The following ZNF143 variants were observed in gnomAD, a reference collection of about 807,000 sequenced individuals.
The protein encoded by ZNF143 is SPH-binding factor.
In ZNF143, 49 loss-of-function variants were observed where a neutral mutation model predicts 74.1. The observed-to-expected ratio is 0.66, with a 90% CI of 0.53 to 0.84. ZNF143 has a LOEUF of 0.84. Ranked by LOEUF, ZNF143 falls within the 40% of genes least tolerant of loss-of-function variation. The probability of loss-of-function intolerance (pLI) is 0.00; values close to 1 mark genes in which losing one functional copy is unlikely to be tolerated. For synonymous variants in ZNF143, 304 were observed against 282.8 expected (o/e 1.07, Z -0.75); for missense variants, 637 against 793.4 (o/e 0.80, Z 2.37).
At chr11:9,519,675 G>GAATAAGATGGCAGTAAAAATA (rs1848843408) in intron 14 of ZNF143, among the ~76,000 whole-genome samples, 1 of 152,060 alleles carries the variant, frequency 6.6e-6, no homozygotes. Context: ...TGACTATTAT[G>GAATAAGATGGCAGTAAAAATA]AATAAGATGG....
chr11:9,525,440 C>T (rs1436512100), intron 15 of ZNF143, 54 bp downstream of exon 15: 4 of 1,606,426 alleles, frequency 2.5e-6, no homozygotes, highest in Non-Finnish European at 2.6e-6. Flanking sequence ...TCATAGCTTT[C>T]AACTTTGTAC....
intron 12 of ZNF143, among the ~76,000 whole-genome samples, chr11:9,509,140 A>G (rs1848457269): frequency 6.6e-6 from 1 of 152,162 alleles, no homozygotes; most frequent in Admixed American, 6.5e-5. Flanking sequence ...GCAGGAAGCA[A>G]AGGCAAGAGA....
At chr11:9,503,940 C>T (rs1371802731) in intron 11 of ZNF143, among the ~76,000 whole-genome samples, 2 of 148,204 alleles carry the variant, frequency 1.3e-5, no homozygotes, top group African/African-American at 4.9e-5. Context: ...GCATGAGCCA[C>T]CACGCCTTGC....
intron 10 of ZNF143, among the ~76,000 whole-genome samples, chr11:9,499,962 A>C (rs1282785970): frequency 6.6e-6 from 1 of 152,178 alleles, no homozygotes; most frequent in Non-Finnish European, 1.5e-5. Flanking sequence ...TTTGTTTTTG[A>C]GACAGTGTCT....
chr11:9,501,113 C>T lies in ZNF143; in HGVS notation c.990C>T (p.Pro330=), dbSNP rs780724197. The T allele has an allele frequency of 6.2e-7, 1 of 1,614,100 alleles. No individual in the cohort carries two copies. Among genetic ancestry groups the T allele is most frequent in the Admixed American group, 1.7e-5 (1 of 60,010 alleles). ...THTGERPFKC[P]FEGCGRSFTT... is the part of the protein sequence containing the mutation. ...CAGGAGAAAGGCCCTTTAAGTGTCCCTTCGAAGGCTGCGGTCGGTCCTTTA... is the reference window on the plus strand; with the variant it reads ...CAGGAGAAAGGCCCTTTAAGTGTCCTTTCGAAGGCTGCGGTCGGTCCTTTA... Residue 330 remains proline (P), a synonymous_variant, in exon 11 of 16, where the codon CCC becomes CCT. Coordinates refer to ENST00000396602, the MANE Select transcript of ZNF143 (RefSeq NM_003442.6).
chr11:9,499,515 G>C (rs1565050404), intron 10 of ZNF143, among the ~76,000 whole-genome samples: 1 of 152,172 alleles, frequency 6.6e-6, no homozygotes, highest in Non-Finnish European at 1.5e-5. Context: ...TCCACCAATA[G>C]AGAAATCATA....
chr11:9,465,851 ATT>A (rs1429356674), intron 1 of ZNF143, among the ~76,000 whole-genome samples: 1 of 150,230 alleles, frequency 6.7e-6, no homozygotes, highest in Non-Finnish European at 1.5e-5. Context: ...TTTTGGGAGG[ATT>A]TCTCTCTGTT....
intron 5 of ZNF143, among the ~76,000 whole-genome samples, chr11:9,476,455 C>G (rs1856896014): frequency 6.6e-6 from 1 of 152,050 alleles, no homozygotes; most frequent in African/African-American, 2.4e-5. Context: ...TCACTGCAAC[C>G]TCCGCCTCCT....
chr11:9,496,198 A>G (rs1847951679), intron 8 of ZNF143, 105 bp from the exon 9 acceptor site: 6 of 938,332 alleles, frequency 6.4e-6, no homozygotes, highest in South Asian at 1.5e-5. Flanking sequence ...AAAAAAGCAT[A>G]CAACAAAATC....
At chr11:9,489,316 C>T (rs376445269) in intron 7 of ZNF143, among the ~76,000 whole-genome samples, 1 of 152,072 alleles carries the variant, frequency 6.6e-6, no homozygotes, top group Non-Finnish European at 1.5e-5. Context: ...AAATAAGAAA[C>T]CTTGCTGTTG....
At chr11:9,475,830 G>A (rs1217205441) in intron 5 of ZNF143, among the ~76,000 whole-genome samples, 1 of 151,990 alleles carries the variant, frequency 6.6e-6, no homozygotes, top group East Asian at 1.9e-4. Flanking sequence ...CCAGGAGGTA[G>A]AGGTTGCAGT....
intron 14 of ZNF143, among the ~76,000 whole-genome samples, chr11:9,524,386 C>T (rs760557517): frequency 1.3e-5 from 2 of 152,034 alleles, no homozygotes; most frequent in Non-Finnish European, 2.9e-5. Flanking sequence ...GAAGGTTAGC[C>T]CAATATAAGC....
intron 1 of ZNF143, among the ~76,000 whole-genome samples, chr11:9,467,845 CAA>C (rs971001404): frequency 1.1e-4 from 9 of 79,894 alleles, no homozygotes; most frequent in African/African-American, 1.3e-4. Flanking sequence ...ACTCCATCTC[CAA>C]AAAAAAAAAA....
chr11:9,492,105 A>ATTTTTT (rs34432476), intron 7 of ZNF143, among the ~76,000 whole-genome samples: 3 of 100,238 alleles, frequency 3.0e-5, no homozygotes, highest in African/African-American at 3.9e-5. Flanking sequence ...CACCTGGCTA[A>ATTTTTT]TTTTTTTTTT....
intron 15 of ZNF143, 199 bp downstream of exon 15, chr11:9,525,585 T>C: frequency 1.5e-6 from 1 of 674,284 alleles, no homozygotes; most frequent in East Asian, 3.0e-5. Context: ...CATCTTTGCA[T>C]ATTCTAGGGG....
intron 1 of ZNF143, among the ~76,000 whole-genome samples, chr11:9,464,597 T>C (rs1185608946): frequency 6.6e-6 from 1 of 151,436 alleles, no homozygotes; most frequent in Non-Finnish European, 1.5e-5. Context: ...CAAGACCCTG[T>C]CTCAATCAAT....
intron 7 of ZNF143, among the ~76,000 whole-genome samples, chr11:9,481,792 G>A (rs528038926): frequency 3.1e-4 from 47 of 150,282 alleles, no homozygotes; most frequent in African/African-American, 1.1e-3. Flanking sequence ...GGAAGCTGAG[G>A]CAGGAGAATC....
At chr11:9,514,367 C>G (rs1848653670) in intron 13 of ZNF143, among the ~76,000 whole-genome samples, 1 of 152,208 alleles carries the variant, frequency 6.6e-6, no homozygotes, top group Admixed American at 6.5e-5. Flanking sequence ...ATTAGATTTC[C>G]ATTCCATTCC....
At chr11:9,466,277 G>A (rs1264297105) in intron 1 of ZNF143, among the ~76,000 whole-genome samples, 13 of 134,846 alleles carry the variant, frequency 9.6e-5, no homozygotes, top group African/African-American at 1.7e-4. Flanking sequence ...GCCACCATGC[G>A]CAGCCTAATT....
Sources: allele counts gnomAD v4.1 joint callset (sites outside exome capture counted in the v4.1 genomes callset), GRCh38; gene constraint gnomAD v4.1.1; transcripts MANE v1.5; gene names NCBI Gene and HGNC (gene_info 2026-07-23, HGNC 2026-07-21).